MBNL2: variants seen among roughly 807,000 people sequenced by gnomAD.
MBNL2 encodes the protein muscleblind-like protein 2.
In MBNL2, 17 loss-of-function variants were observed where a neutral mutation model predicts 41.9. The observed-to-expected ratio is 0.41, with a 90% CI of 0.28 to 0.61. The LOEUF is 0.61. MBNL2 is among the 20% of genes least tolerant of loss of function. The pLI is 0.35. For synonymous variants in MBNL2, 195 were observed against 182.9 expected, an observed-to-expected ratio of 1.07 and a Z score of -0.53; for missense variants, 336 against 505.6, an observed-to-expected ratio of 0.66 and a Z score of 3.22.
At chr13:97,191,992 CTT>C in the MBNL2 span, among the ~76,000 whole-genome samples, 1 of 152,188 alleles carries the variant, frequency 6.6e-6, no homozygotes, top group Non-Finnish European at 1.5e-5. Context: ...CATTTCCTAA[CTT>C]TTATTCTCTG....
upstream of MBNL2, among the ~76,000 whole-genome samples, chr13:97,217,413 T>C (rs931392610): frequency 1.3e-5 from 2 of 152,206 alleles, no homozygotes; most frequent in Admixed American, 6.5e-5. Flanking sequence ...ATGTTTACTA[T>C]GTACTGTGAC....
At chr13:97,322,891 G>A (rs2059619908) in intron 2 of MBNL2, among the ~76,000 whole-genome samples, 1 of 152,180 alleles carries the variant, frequency 6.6e-6, no homozygotes, top group African/African-American at 2.4e-5. Flanking sequence ...ATGGGCAGCA[G>A]CCAATCAGTG....
chr13:97,281,041 C>CTCTATGTGG (rs2053293639), intron 2 of MBNL2, among the ~76,000 whole-genome samples: 1 of 152,194 alleles, frequency 6.6e-6, no homozygotes, highest in Non-Finnish European at 1.5e-5. Flanking sequence ...AGAACATAAG[C>CTCTATGTGG]TCTATGTGGA....
intron 5 of MBNL2, among the ~76,000 whole-genome samples, chr13:97,355,356 A>T (rs2062892324): frequency 6.6e-6 from 1 of 152,134 alleles, no homozygotes; most frequent in Non-Finnish European, 1.5e-5. Context: ...ATTATAAAAC[A>T]ATAATAAACA....
intron 4 of MBNL2, among the ~76,000 whole-genome samples, chr13:97,344,619 G>C (rs976947350): frequency 1.3e-5 from 2 of 152,200 alleles, no homozygotes; most frequent in Non-Finnish European, 2.9e-5. Context: ...ATGCCCAGAT[G>C]AAGAGAATGG....
chr13:97,287,806 A>G, intron 2 of MBNL2, among the ~76,000 whole-genome samples: 1 of 144,640 alleles, frequency 6.9e-6, no homozygotes, highest in East Asian at 2.0e-4. Flanking sequence ...GCTCACTGCA[A>G]CCTCCGCCTC....
At chr13:97,150,840 G>T in the MBNL2 span, among the ~76,000 whole-genome samples, 1 of 152,300 alleles carries the variant, frequency 6.6e-6, no homozygotes, top group African/African-American at 2.4e-5. Context: ...TTCAAGACAG[G>T]TAACCTTGAC....
intron 2 of MBNL2, among the ~76,000 whole-genome samples, chr13:97,276,840 G>A (rs2052249498): frequency 6.6e-6 from 1 of 150,666 alleles, no homozygotes; most frequent in South Asian, 2.1e-4. Flanking sequence ...CTTTGACCGA[G>A]TACTTCCTAA....
the MBNL2 span, among the ~76,000 whole-genome samples, chr13:97,165,843 A>G: frequency 6.6e-6 from 1 of 152,364 alleles, no homozygotes; most frequent in Admixed American, 6.5e-5. Context: ...TTCTCTTTAT[A>G]TAATTCTGAC....
chr13:97,261,074 G>A (rs2048525798), intron 1 of MBNL2, among the ~76,000 whole-genome samples: 1 of 151,322 alleles, frequency 6.6e-6, no homozygotes, highest in South Asian at 2.1e-4. Context: ...TCCAGCACCT[G>A]CCTTTTTCTT....
upstream of MBNL2, among the ~76,000 whole-genome samples, chr13:97,221,232 T>G (rs1009285434): frequency 6.6e-6 from 1 of 152,216 alleles, no homozygotes; most frequent in African/African-American, 2.4e-5. Flanking sequence ...TGTCTTGGTC[T>G]CATCATGTAA....
the MBNL2 span, among the ~76,000 whole-genome samples, chr13:97,181,994 T>C: frequency 3.3e-5 from 5 of 152,242 alleles, no homozygotes; most frequent in Non-Finnish European, 5.9e-5. Flanking sequence ...TTTAGGCTCA[T>C]CATTGCCACT....
At chr13:97,335,897 CTATTT>C (rs551382574) in intron 3 of MBNL2, among the ~76,000 whole-genome samples, 27 of 152,306 alleles carry the variant, frequency 1.8e-4, no homozygotes, top group Non-Finnish European at 3.1e-4. Flanking sequence ...CACATATAAA[CTATTT>C]TATTAAATTA....
chr13:97,186,387 G>A, the MBNL2 span, among the ~76,000 whole-genome samples: 1 of 151,972 alleles, frequency 6.6e-6, no homozygotes, highest in South Asian at 2.1e-4. Flanking sequence ...GACTTCCTAC[G>A]GTGTACACTC....
the MBNL2 span, among the ~76,000 whole-genome samples, chr13:97,177,548 A>G: frequency 6.6e-6 from 1 of 152,196 alleles, no homozygotes; most frequent in Non-Finnish European, 1.5e-5. Flanking sequence ...AATGGAAAAG[A>G]ATAATATAAA....
At chr13:97,275,484 T>C (rs921034107) in intron 1 of MBNL2, 148 bp from the exon 2 acceptor site, 2 of 152,230 alleles carry the variant, frequency 1.3e-5, no homozygotes, top group African/African-American at 2.4e-5. Flanking sequence ...TTCTTTTTTT[T>C]ATTTAATGCA....
the MBNL2 span, among the ~76,000 whole-genome samples, chr13:97,164,125 G>A: frequency 1.3e-5 from 2 of 152,138 alleles, no homozygotes; most frequent in East Asian, 3.9e-4. Flanking sequence ...TCCCACCTCA[G>A]CCTCTCAAGT....
intron 8 of MBNL2, among the ~76,000 whole-genome samples, chr13:97,380,527 AC>A (rs2065351250): frequency 6.6e-6 from 1 of 152,022 alleles, no homozygotes; most frequent in African/African-American, 2.4e-5. Flanking sequence ...AACCACACCC[AC>A]CTTGAGCCAT....
the MBNL2 span, among the ~76,000 whole-genome samples, chr13:97,166,369 G>A: frequency 6.6e-6 from 1 of 152,166 alleles, no homozygotes; most frequent in Non-Finnish European, 1.5e-5. Context: ...TAAGGCATAA[G>A]GTAGCCACAG....
Sources: allele counts gnomAD v4.1 joint callset (sites outside exome capture counted in the v4.1 genomes callset), GRCh38; gene constraint gnomAD v4.1.1; transcripts MANE v1.5; gene names NCBI Gene and HGNC (gene_info 2026-07-23, HGNC 2026-07-21).